The following PACSIN2 variants were observed in gnomAD, a reference collection of about 807,000 sequenced individuals.
The protein encoded by PACSIN2 is protein kinase C and casein kinase substrate in neurons 2, also known as protein kinase C and casein kinase substrate in neurons protein 2.
Under a neutral mutation model 63.8 loss-of-function variants are expected in PACSIN2, and 25 were observed. The observed-to-expected ratio is 0.39, with a 90% confidence interval of 0.29 to 0.55. PACSIN2 has a LOEUF of 0.55. Ranked by LOEUF, PACSIN2 falls within the 20% of genes least tolerant of loss-of-function variation. The probability of loss-of-function intolerance (pLI) is 0.62; values close to 1 mark genes in which losing one functional copy is unlikely to be tolerated. For synonymous variants in PACSIN2, 255 were observed against 256.2 expected (o/e 1.00, Z 0.05); for missense variants, 518 against 646.9 (o/e 0.80, Z 2.16).
chr22:42,914,298 T>C (rs1447152973), intron 1 of PACSIN2, among the ~76,000 whole-genome samples: 1 of 152,172 alleles, frequency 6.6e-6, no homozygotes, highest in African/African-American at 2.4e-5. Context: ...AGTAGTGCAA[T>C]CTCAGCTCAC....
chr22:42,956,820 TTCTC>T (rs1933935672), intron 1 of PACSIN2, among the ~76,000 whole-genome samples: 1 of 152,142 alleles, frequency 6.6e-6, no homozygotes, highest in African/African-American at 2.4e-5. Context: ...TGGTATCTCT[TTCTC>T]ATCTTTAAAT....
intron 3 of PACSIN2, among the ~76,000 whole-genome samples, chr22:42,892,117 T>C (rs535551622): frequency 2.6e-4 from 39 of 152,156 alleles, no homozygotes; most frequent in African/African-American, 9.4e-4. Context: ...CCCTACTCAC[T>C]GTTCTCAGTC....
At chr22:43,006,811 G>A (rs941954992) in intron 1 of PACSIN2, among the ~76,000 whole-genome samples, 9 of 151,958 alleles carry the variant, frequency 5.9e-5, no homozygotes, top group African/African-American at 1.7e-4. Flanking sequence ...GCAAAATTCC[G>A]TCTCAAAAAA....
At chr22:43,011,281 T>C (rs1310443880) in intron 1 of PACSIN2, among the ~76,000 whole-genome samples, 3 of 152,070 alleles carry the variant, frequency 2.0e-5, no homozygotes, top group Non-Finnish European at 4.4e-5. Context: ...ACAACCTAAC[T>C]GGAAAAAAAC....
chr22:42,916,759 T>A (rs1243686580), intron 1 of PACSIN2, among the ~76,000 whole-genome samples: 1 of 152,074 alleles, frequency 6.6e-6, no homozygotes, highest in Non-Finnish European at 1.5e-5. Context: ...AGAGGCAGCC[T>A]CTCAACCCAA....
In PACSIN2 at chr22:42,901,571, G is replaced by A. The variant is rs116309630; in HGVS notation, c.61-7958C>T. On this transcript the variant is annotated intron_variant, in intron 2 of 10. Transcript: ENST00000263246. The stretch of plus-strand genomic sequence containing the variant: ...TTTCTGCCCTTTCAGTTGTCAGGTA[G>A]AGTCAGAGCTATTCCTGTGAGGACC... 5.4e-3 allele frequency among the ~76,000 whole-genome samples: 822 copies of A among 152,328 alleles called. 6 individuals carry two copies. The highest frequency in any genetic ancestry group is 0.018 in the African/African-American group (753 of 41,568).
chr22:42,982,869 T>A (rs867658490), intron 1 of PACSIN2, among the ~76,000 whole-genome samples: 1,435 of 43,186 alleles, frequency 0.033, 24 homozygotes, highest in African/African-American at 0.047. Context: ...GAATGATCAA[T>A]AAAAAAAAAA....
chr22:43,008,140 C>A lies in PACSIN2; in HGVS notation c.-78+6881G>T, dbSNP rs1569374993. Among the ~76,000 whole-genome samples the A allele has an allele frequency of 2.6e-5, 4 of 152,296 alleles. No homozygotes were observed. In the South Asian group the frequency reaches 8.3e-4, roughly 32 times the overall value. On this transcript the variant is annotated intron_variant, in intron 1 of 10. Transcript: ENST00000263246. ...ATGTCTGAGTATTCAAAACAGCTTT[C>A]AGAAATACATCAGAAGTATTCTTTT... is the stretch of plus-strand genomic sequence containing the variant.
intron 1 of PACSIN2, among the ~76,000 whole-genome samples, chr22:42,950,425 T>TGGGGGAGGGAGGGGAGA (rs1569313906): frequency 7.3e-5 from 1 of 13,702 alleles, no homozygotes; most frequent in African/African-American, 2.7e-4. Context: ...GGGAAGGGAG[T>TGGGGGAGGGAGGGGAGA]GGGCAGGTGG....
At chr22:42,885,138 G>A (rs904394212) in intron 5 of PACSIN2, among the ~76,000 whole-genome samples, 2 of 152,194 alleles carry the variant, frequency 1.3e-5, no homozygotes, top group Admixed American at 6.5e-5. Context: ...GGTTTTACAA[G>A]GCAGGAAATG....
At chr22:42,975,078 T>G (rs181069398) in intron 1 of PACSIN2, among the ~76,000 whole-genome samples, 81 of 152,328 alleles carry the variant, frequency 5.3e-4, no homozygotes, top group Middle Eastern at 3.4e-3. Flanking sequence ...TACTACATTG[T>G]AACAAGGGTG....
Position 42,984,870 on chromosome 22 carries a change from C to G in PACSIN2, c.-78+30151G>C, listed in dbSNP as rs528634337. 9.9e-5 allele frequency among the ~76,000 whole-genome samples: 15 copies of G among 152,284 alleles called. No individual in the cohort carries two copies. The South Asian group carries it at 2.7e-3, about 27-fold the overall frequency. On this transcript the variant is annotated intron_variant, in intron 1 of 10. Coordinates refer to ENST00000263246, the MANE Select transcript of PACSIN2 (RefSeq NM_001184970.3). ...GACCCCAAAAGAGGCAACTACTTAC[C>G]TGAAAAAAGCAGCTGGGGAGAGGTT... is the stretch of plus-strand genomic sequence containing the variant.
intron 2 of PACSIN2, among the ~76,000 whole-genome samples, chr22:42,905,701 G>A (rs1049852371): frequency 6.6e-6 from 1 of 152,254 alleles, no homozygotes; most frequent in African/African-American, 2.4e-5. Context: ...TGAAAGAGCT[G>A]AAAACAAAAA....
chr22:42,990,500 G>A (rs1017199392), intron 1 of PACSIN2, among the ~76,000 whole-genome samples: 12 of 152,198 alleles, frequency 7.9e-5, no homozygotes, highest in Non-Finnish European at 5.9e-5. Context: ...ATGGGGACGG[G>A]GGTGGACCAT....
intron 1 of PACSIN2, among the ~76,000 whole-genome samples, chr22:42,985,206 T>TA (rs781392687): frequency 2.6e-5 from 4 of 152,348 alleles, no homozygotes; most frequent in Middle Eastern, 3.4e-3. Flanking sequence ...CACATGCCTG[T>TA]AATCCCAGCT....
At chr22:42,969,068 T>TCCATCCATCCATCCATCCATCCAC (rs1425413218) in intron 1 of PACSIN2, among the ~76,000 whole-genome samples, 5 of 152,078 alleles carry the variant, frequency 3.3e-5, no homozygotes, top group African/African-American at 1.2e-4. Context: ...CATCCATCCA[T>TCCATCCATCCATCCATCCATCCAC]CCACCCTATT....
intron 1 of PACSIN2, among the ~76,000 whole-genome samples, chr22:43,005,696 G>C (rs535709216): frequency 6.6e-5 from 10 of 152,174 alleles, no homozygotes; most frequent in Admixed American, 2.6e-4. Context: ...ATTCACTTAC[G>C]TAGACTGATA....
intron 1 of PACSIN2, among the ~76,000 whole-genome samples, chr22:42,951,656 C>T (rs1388181619): frequency 6.6e-6 from 1 of 152,208 alleles, no homozygotes; most frequent in Admixed American, 6.5e-5. Context: ...GTCCACATAA[C>T]ATCACCTCTA....
In PACSIN2 at chr22:42,981,987, C is replaced by T. The variant is rs867322314; in HGVS notation, c.-78+33034G>A. Among the ~76,000 whole-genome samples the T allele has an allele frequency of 5.7e-3, 591 of 103,994 alleles. 3 individuals are homozygous for T. The highest frequency in any genetic ancestry group is 0.01 in the South Asian group (27 of 2,666). 68.2% of individuals were successfully genotyped at this position (103,994 alleles called of 152,430 possible). A position where few individuals can be genotyped will look rare whatever the true frequency, so the allele number is the denominator to read the frequency against. On this transcript the variant is annotated intron_variant, in intron 1 of 10. Coordinates refer to ENST00000263246, the MANE Select transcript of PACSIN2 (RefSeq NM_001184970.3). Reference sequence around the variant, plus strand: ...CCTCTGCCCGGCCAGCCGCCCCGTCCGGGAGGGAGGTGGGGGGGTCAGCCC... The same window carrying T: ...CCTCTGCCCGGCCAGCCGCCCCGTCTGGGAGGGAGGTGGGGGGGTCAGCCC...
Sources: gnomAD v4.1 joint callset for allele counts (sites outside exome capture counted in the v4.1 genomes callset) on GRCh38, gnomAD v4.1.1 for gene constraint, MANE v1.5 for transcripts, NCBI Gene and HGNC (gene_info 2026-07-23, HGNC 2026-07-21) for gene names.